The following ST7 variants were observed in gnomAD, a reference collection of about 807,000 sequenced individuals.
ST7 encodes the protein suppressor of tumorigenicity 7 protein.
In ST7, 28 loss-of-function variants were observed where a neutral mutation model predicts 78.7. That is an observed-to-expected ratio of 0.36 (90% CI 0.26 to 0.49). The LOEUF (loss-of-function observed/expected upper bound fraction) is 0.49, where lower values mean the gene tolerates loss of function less well. Ranked by LOEUF, ST7 falls within the 20% of genes least tolerant of loss-of-function variation. ST7 has a pLI of 0.99. For missense variants in ST7, 418 were observed against 696.0 expected (o/e 0.60, Z 4.49); for synonymous variants, 247 against 249.6 (o/e 0.99, Z 0.10).
At chr7:117,059,837 G>A (rs1464503719) in intron 1 of ST7, among the ~76,000 whole-genome samples, 3 of 139,630 alleles carry the variant, frequency 2.1e-5, no homozygotes, top group Non-Finnish European at 4.5e-5. Context: ...AAAAAAATTA[G>A]CTACGTGTGG....
chr7:116,985,642 G>T (rs1794159071), intron 1 of ST7, among the ~76,000 whole-genome samples: 1 of 152,186 alleles, frequency 6.6e-6, no homozygotes, highest in African/African-American at 2.4e-5. Context: ...ATAATTAATT[G>T]TGTTTGACTG....
intron 1 of ST7, among the ~76,000 whole-genome samples, chr7:117,087,838 A>G (rs888791170): frequency 1.3e-5 from 2 of 152,216 alleles, no homozygotes; most frequent in African/African-American, 4.8e-5. Flanking sequence ...TGATATGCTC[A>G]ACTCCCCTCT....
At position 116,981,076 on chromosome 7, in the gene ST7, G is replaced by A. The variant is rs114851395; in HGVS notation, c.151+27385G>A. On this transcript the variant is annotated intron_variant, in intron 1 of 15. Coordinates refer to ENST00000323984, the MANE Select transcript of ST7 (RefSeq NM_001369598.1). Reference sequence around the variant, plus strand: ...TTGATGAATACATGCCAGTTATTTTGTAGAATACCATTCAATTTGAATTTG... The same window carrying A: ...TTGATGAATACATGCCAGTTATTTTATAGAATACCATTCAATTTGAATTTG... Among the ~76,000 whole-genome samples the A allele has an allele frequency of 5.3e-3, 804 of 151,386 alleles. 5 individuals carry two copies. The highest frequency in any genetic ancestry group is 0.017 in the African/African-American group (713 of 41,250).
intron 1 of ST7, among the ~76,000 whole-genome samples, chr7:116,986,665 C>T (rs1392977294): frequency 6.6e-6 from 1 of 152,028 alleles, no homozygotes; most frequent in African/African-American, 2.4e-5. Context: ...AAAAGAGGAG[C>T]AGGTTTTGGC....
chr7:117,114,184 T>C (rs1358861997), intron 2 of ST7, among the ~76,000 whole-genome samples: 1 of 151,916 alleles, frequency 6.6e-6, no homozygotes, highest in Non-Finnish European at 1.5e-5. Context: ...ACCCACTCAG[T>C]TGCTATTCCA....
At chr7:117,182,429 C>T (rs778163928) in intron 10 of ST7, among the ~76,000 whole-genome samples, 7 of 152,080 alleles carry the variant, frequency 4.6e-5, no homozygotes, top group Non-Finnish European at 8.8e-5. Flanking sequence ...GCTGGAATGA[C>T]GTACTGAAAC....
At chr7:116,988,674 G>C (rs1794290239) in intron 1 of ST7, among the ~76,000 whole-genome samples, 1 of 152,142 alleles carries the variant, frequency 6.6e-6, no homozygotes, top group Admixed American at 6.5e-5. Context: ...TGATTAAAAT[G>C]ATTGTTGTGT....
At position 117,119,695 on chromosome 7, in the gene ST7, A is replaced by G. The variant is rs1199802486; in HGVS notation, c.369A>G (p.Ser123=). The G allele has an allele frequency of 2.5e-6, 4 of 1,612,944 alleles. No homozygotes were observed. The highest frequency in any genetic ancestry group is 3.4e-6 in the Non-Finnish European group (4 of 1,179,824). The part of the protein sequence containing the change: ...SNNSNSSNGD[S]DSNRQSVSEC... ...ATTCTAATTCCAGTAACGGGGACTCAGATTCCAATAGGCAAAGTGTCTCAG... is the reference window on the plus strand; with the variant it reads ...ATTCTAATTCCAGTAACGGGGACTCGGATTCCAATAGGCAAAGTGTCTCAG... The change falls in exon 3 of 16, where the codon TCA becomes TCG. Residue 123 remains serine, a synonymous_variant. Transcript: ENST00000323984.
At chr7:117,222,299 C>CA (rs1246181187) in intron 15 of ST7, among the ~76,000 whole-genome samples, 1 of 151,988 alleles carries the variant, frequency 6.6e-6, no homozygotes, top group Non-Finnish European at 1.5e-5. Flanking sequence ...TAGCAGTTTC[C>CA]AAAAAATGCA....
intron 9 of ST7, among the ~76,000 whole-genome samples, chr7:117,155,367 A>T (rs1806605757): frequency 6.6e-6 from 1 of 152,214 alleles, no homozygotes; most frequent in Admixed American, 6.5e-5. Flanking sequence ...TTTAGATTTC[A>T]TTGTAAGTAC....
intron 1 of ST7, among the ~76,000 whole-genome samples, chr7:117,066,516 C>T (rs1030427921): frequency 2.6e-5 from 4 of 151,978 alleles, no homozygotes; most frequent in African/African-American, 4.8e-5. Context: ...AATCCCAGCA[C>T]CTTGGGAGGC....
chr7:117,198,558 G>A (rs1026427571), intron 12 of ST7: 3 of 287,330 alleles, frequency 1.0e-5, no homozygotes, highest in Non-Finnish European at 2.1e-5. Flanking sequence ...CTTTGCTTGT[G>A]GCTGATTGTT....
rs1460359032 is a variant in ST7 at position 117,140,014 on chromosome 7, C to T, written c.963+1482C>T. Among the ~76,000 whole-genome samples the T allele has an allele frequency of 2.6e-5, 4 of 152,292 alleles. No homozygotes were observed. In the East Asian group the frequency reaches 7.7e-4, roughly 29 times the overall value. ...TTTCTTAACTTTAATTAGCTTGGAACAGGCATGCATTGAGGAGCTAATTTT... is the reference window on the plus strand; with the variant it reads ...TTTCTTAACTTTAATTAGCTTGGAATAGGCATGCATTGAGGAGCTAATTTT... On this transcript the variant is annotated intron_variant, in intron 9 of 15. Transcript: ENST00000323984.
At chr7:117,171,198 C>T (rs1370856076) in intron 10 of ST7, among the ~76,000 whole-genome samples, 1 of 152,132 alleles carries the variant, frequency 6.6e-6, no homozygotes, top group Non-Finnish European at 1.5e-5. Context: ...CTCTCCTTCC[C>T]TCCGTACAGG....
intron 12 of ST7, among the ~76,000 whole-genome samples, chr7:117,196,705 A>C (rs1422958017): frequency 8.0e-6 from 1 of 124,392 alleles, no homozygotes; most frequent in Non-Finnish European, 1.6e-5. Flanking sequence ...CCCTTATTAG[A>C]TATATGATTT....
chr7:116,991,080 T>G (rs1306281360), intron 1 of ST7, among the ~76,000 whole-genome samples: 4 of 152,234 alleles, frequency 2.6e-5, no homozygotes, highest in Non-Finnish European at 5.9e-5. Context: ...TTGCATTGGT[T>G]TGCATAGTAC....
chr7:117,052,699 C>T (rs1229924820), intron 1 of ST7, among the ~76,000 whole-genome samples: 2 of 152,168 alleles, frequency 1.3e-5, no homozygotes, highest in African/African-American at 4.8e-5. Flanking sequence ...TCAAGACCAT[C>T]CTGGCTAACA....
chr7:117,118,054 C>T (rs1175250153), intron 2 of ST7: 1 of 152,388 alleles, frequency 6.6e-6, no homozygotes, highest in East Asian at 1.9e-4. Flanking sequence ...CCGTCTCTGC[C>T]CAGAGAAAAT....
At chr7:117,048,520 T>C (rs1192649416) in intron 1 of ST7, among the ~76,000 whole-genome samples, 1 of 152,200 alleles carries the variant, frequency 6.6e-6, no homozygotes, top group East Asian at 1.9e-4. Context: ...AGTTGCCTTC[T>C]GTTTTATTCC....
Sources: gnomAD v4.1 joint callset for allele counts (sites outside exome capture counted in the v4.1 genomes callset) on GRCh38, gnomAD v4.1.1 for gene constraint, MANE v1.5 for transcripts, NCBI Gene and HGNC (gene_info 2026-07-23, HGNC 2026-07-21) for gene names.